Variants in CACNA1C observed in about 807,000 individuals in gnomAD.
The protein encoded by CACNA1C is calcium voltage-gated channel subunit alpha1 C, also known as voltage-dependent L-type calcium channel subunit alpha-1C.
CACNA1C carries 30 observed loss-of-function variants against 229.0 expected under a neutral mutation model. That is an observed-to-expected ratio of 0.13 (90% CI 0.10 to 0.18). The LOEUF is 0.18. Among genes scored for constraint, CACNA1C ranks in the 10% least tolerant of loss-of-function variants. The pLI is 1.00. For missense variants in CACNA1C, 1,658 were observed against 2,845.0 expected (o/e 0.58, Z 9.49); for synonymous variants, 1,114 against 1,132.5 (o/e 0.98, Z 0.33).
At chr12:2,311,329 T>G (rs1025054553) in intron 3 of CACNA1C, among the ~76,000 whole-genome samples, 1 of 152,212 alleles carries the variant, frequency 6.6e-6, no homozygotes, top group Non-Finnish European at 1.5e-5. Flanking sequence ...ATGTAAACAT[T>G]GCAAGACGTG....
intron 3 of CACNA1C, among the ~76,000 whole-genome samples, chr12:2,140,227 A>G (rs1413553164): frequency 2.6e-5 from 4 of 151,296 alleles, no homozygotes; most frequent in Admixed American, 1.3e-4. Context: ...GGGAACAGTC[A>G]CGGTGGGTGG....
intron 3 of CACNA1C, among the ~76,000 whole-genome samples, chr12:2,325,136 G>A (rs75274784): frequency 3.3e-5 from 5 of 152,172 alleles, no homozygotes; most frequent in South Asian, 2.1e-4. Flanking sequence ...TGAGTGTGCC[G>A]CCCTACCCTG....
chr12:2,682,965 A>G (rs895768470), intron 43 of CACNA1C, among the ~76,000 whole-genome samples: 2 of 45,714 alleles, frequency 4.4e-5, no homozygotes, highest in Non-Finnish European at 1.1e-4. Context: ...ATTTCTGAAC[A>G]TTGTTTTATA....
intron 1 of CACNA1C, among the ~76,000 whole-genome samples, chr12:2,018,672 A>G (rs758818816): frequency 6.6e-6 from 1 of 152,234 alleles, no homozygotes; most frequent in Non-Finnish European, 1.5e-5. Flanking sequence ...CTCTGTCTTA[A>G]TAAGCACAAC....
chr12:2,635,166 C>T (rs1390143944), intron 30 of CACNA1C, among the ~76,000 whole-genome samples: 4 of 152,096 alleles, frequency 2.6e-5, no homozygotes, highest in Admixed American at 6.5e-5. Context: ...CCCCTGCCCT[C>T]GACCCCTGAC....
intron 3 of CACNA1C, among the ~76,000 whole-genome samples, chr12:2,328,622 G>A (rs1381066834): frequency 6.6e-6 from 1 of 152,158 alleles, no homozygotes; most frequent in East Asian, 1.9e-4. Flanking sequence ...GGAAAACATA[G>A]GTGGGCATGG....
intron 9 of CACNA1C, among the ~76,000 whole-genome samples, chr12:2,529,418 A>T (rs1195980059): frequency 6.6e-6 from 1 of 152,182 alleles, no homozygotes; most frequent in Non-Finnish European, 1.5e-5. Flanking sequence ...TGGGTAGTAC[A>T]TCTTGAATGT....
At position 2,181,604 on chromosome 12, in the gene CACNA1C, A is replaced by G. The variant is rs955787903; in HGVS notation, c.477+61174A>G. On this transcript the variant is annotated intron_variant, in intron 3 of 46. Transcript: ENST00000399655. The surrounding 1 kb of genome is among the most constrained non-coding windows in gnomAD (Gnocchi z 4.0). ...TCAGAACTGCTACAAATATGACACAATTCCATGCTGCACCCACAGAATAGT... is the reference window on the plus strand; with the variant it reads ...TCAGAACTGCTACAAATATGACACAGTTCCATGCTGCACCCACAGAATAGT... Among the ~76,000 whole-genome samples the G allele has an allele frequency of 3.9e-5, 6 of 152,172 alleles. No individual in the cohort carries two copies. The highest frequency in any genetic ancestry group is 6.5e-5 in the Admixed American group (1 of 15,278).
Position 2,287,504 on chromosome 12 carries a change from T to A in CACNA1C, c.478-161472T>A, listed in dbSNP as rs2092876810. ...TTCAGCCTGCGTGGTCTTGATGTGG[T>A]CTTGGCTGATGAGAAGCTCCCTCCA... On this transcript the variant is annotated intron_variant, in intron 3 of 46. Coordinates refer to ENST00000399655, the MANE Select transcript of CACNA1C (RefSeq NM_000719.7). The surrounding 1 kb of genome is among the most constrained non-coding windows in gnomAD (Gnocchi z 4.6). Among the ~76,000 whole-genome samples, 1 of 152,154 alleles carries A rather than the reference T, an allele frequency of 6.6e-6. No individual in the cohort carries two copies. Among genetic ancestry groups the A allele is most frequent in the African/African-American group, 2.4e-5 (1 of 41,438 alleles).
Position 2,595,889 on chromosome 12 carries a change from C to T in CACNA1C, c.2679C>T (p.Cys893=), listed in dbSNP as rs1555857995. 6.2e-7 allele frequency: 1 copy of T among 1,613,466 alleles called. No homozygotes were observed. The highest frequency in any genetic ancestry group is 1.3e-5 in the African/African-American group (1 of 75,026). The change falls in exon 20 of 47, where the codon TGC becomes TGT. Residue 893 remains cysteine, a synonymous_variant. Transcript: ENST00000399655. The surrounding 1 kb of genome is among the most constrained non-coding windows in gnomAD (Gnocchi z 4.1). ...FSSNNRFRLQ[C]HRIVNDTIFT... ...TCCCGTACAGGTTTCGCCTCCAGTG[C>T]CACCGCATTGTCAATGACACGATCT...
chr12:2,267,952 A>C (rs2083058945), intron 3 of CACNA1C, among the ~76,000 whole-genome samples: 1 of 152,218 alleles, frequency 6.6e-6, no homozygotes, highest in South Asian at 2.1e-4. Context: ...ATTGCACATA[A>C]AATGAAGAAT....
At chr12:1,993,627 G>GGTGTGTGTGTGT (rs150056084) in intron 1 of CACNA1C, among the ~76,000 whole-genome samples, 7,573 of 146,596 alleles carry the variant, frequency 0.052, 260 homozygotes, top group East Asian at 0.067. Flanking sequence ...CTTCATTTGT[G>GGTGTGTGTGTGT]GTGTGTGTGT....
rs1555107745 is a variant in CACNA1C at position 2,067,477 on chromosome 12, T to TGTGTGCGCGCGC, written c.49+13877_49+13878insCGTGTGCGCGCG. Among the ~76,000 whole-genome samples, 1 of 131,604 alleles carries TGTGTGCGCGCGC rather than the reference T, an allele frequency of 7.6e-6. No individual in the cohort carries two copies. Among genetic ancestry groups the TGTGTGCGCGCGC allele is most frequent in the African/African-American group, 2.7e-5 (1 of 37,556 alleles). The allele number at this position is 131,604 out of a possible 152,430, so 86.3% of individuals were successfully genotyped here. A position where few individuals can be genotyped will look rare whatever the true frequency, so the allele number is the denominator to read the frequency against. On this transcript the variant is annotated intron_variant, in intron 1 of 46. Transcript: ENST00000399655. The surrounding 1 kb of genome is among the most constrained non-coding windows in gnomAD (Gnocchi z 5.3). ...GTGTGTGTGTGTGTGTGTGTGTGTGTGTGTGCGCGCGTGTGCGTGCCTGTA... is the reference window on the plus strand; with the variant it reads ...GTGTGTGTGTGTGTGTGTGTGTGTGTGTGTGCGCGCGCGTGTGCGCGCGTGTGCGTGCCTGTA...
In CACNA1C at chr12:2,595,437, A is replaced by G. The variant is rs2067674347; in HGVS notation, c.2664-437A>G. On this transcript the variant is annotated intron_variant, in intron 19 of 46. Coordinates refer to ENST00000399655, the MANE Select transcript of CACNA1C (RefSeq NM_000719.7). This position sits in a 1 kb window ranked among gnomAD's most constrained non-coding sequence, Gnocchi z 4.1. ...GGAAGTGAATTGCACATTTAAAGCT[A>G]TTACACAGGAGCAGATCACCTACAG... 6.6e-6 allele frequency among the ~76,000 whole-genome samples: 1 copy of G among 152,168 alleles called. No individual in the cohort carries two copies. Among genetic ancestry groups the G allele is most frequent in the Non-Finnish European group, 1.5e-5 (1 of 68,036 alleles).
intron 3 of CACNA1C, among the ~76,000 whole-genome samples, chr12:2,396,043 T>C (rs995343101): frequency 2.0e-5 from 3 of 152,108 alleles, no homozygotes; most frequent in African/African-American, 7.2e-5. Context: ...GCACTCCTGG[T>C]GTTGAACCTC....
rs1417197037 is a variant in CACNA1C, at chr12:2,479,615, C to T, written c.758-6489C>T. Among the ~76,000 whole-genome samples the T allele has an allele frequency of 6.6e-6, 1 of 152,224 alleles. No individual in the cohort carries two copies. Among genetic ancestry groups the T allele is most frequent in the East Asian group, 1.9e-4 (1 of 5,200 alleles). On this transcript the variant is annotated intron_variant, in intron 5 of 46. Transcript: ENST00000399655. This position sits in a 1 kb window ranked among gnomAD's most constrained non-coding sequence, Gnocchi z 4.3. ...GGATTAAGCAGTATGGCTTTCTCTT[C>T]CATTCTGCAAGGACAGCCAGTTCAA...
At chr12:2,113,495 T>G (rs2082568743) in intron 1 of CACNA1C, among the ~76,000 whole-genome samples, 1 of 152,076 alleles carries the variant, frequency 6.6e-6, no homozygotes, top group Non-Finnish European at 1.5e-5. Flanking sequence ...CCAGCAACCT[T>G]AGGACCCAGC....
chr12:2,586,099 G>T (rs146613070), intron 18 of CACNA1C, among the ~76,000 whole-genome samples, 195 bp downstream of exon 18: 1 of 152,082 alleles, frequency 6.6e-6, no homozygotes, highest in Non-Finnish European at 1.5e-5. Context: ...TTTGTTTCTG[G>T]TTTCCTCATA....
chr12:2,548,403 T>C (rs1248286482), intron 9 of CACNA1C, among the ~76,000 whole-genome samples: 3 of 152,146 alleles, frequency 2.0e-5, no homozygotes, highest in Non-Finnish European at 4.4e-5. Flanking sequence ...ATGAACATGC[T>C]ACAGGAGGTG....
Sources: allele counts gnomAD v4.1 joint callset (sites outside exome capture counted in the v4.1 genomes callset), GRCh38; gene constraint gnomAD v4.1.1; non-coding constraint Gnocchi (gnomAD v3.1); transcripts MANE v1.5; gene names NCBI Gene and HGNC (gene_info 2026-07-23, HGNC 2026-07-21).